The following KCNAB1 variants were observed in gnomAD, a reference collection of about 807,000 sequenced individuals.
KCNAB1 encodes the protein voltage-gated potassium channel subunit beta-1.
KCNAB1 carries 35 observed loss-of-function variants against 64.6 expected under a neutral mutation model. That is an observed-to-expected ratio of 0.54 (90% CI 0.41 to 0.72). The LOEUF (loss-of-function observed/expected upper bound fraction) is 0.72, where lower values mean the gene tolerates loss of function less well. Among genes scored for constraint, KCNAB1 ranks in the 30% least tolerant of loss-of-function variants. The pLI is 0.00. For missense variants in KCNAB1, 401 were observed against 512.9 expected (o/e 0.78, Z 2.11); for synonymous variants, 177 against 183.8 (o/e 0.96, Z 0.30).
chr3:156,421,476 G>A (rs1715460122), intron 1 of KCNAB1, 140 bp from the exon 2 acceptor site: 2 of 772,036 alleles, frequency 2.6e-6, no homozygotes, highest in South Asian at 3.8e-5. Flanking sequence ...CCTGTCTCAA[G>A]ACAATATGCC....
intron 1 of KCNAB1, chr3:156,291,185 G>C (rs368982541): frequency 1.0e-6 from 1 of 985,684 alleles, no homozygotes; most frequent in East Asian, 1.1e-4. Flanking sequence ...GCTCCTTAAA[G>C]GGACCTGCCT....
chr3:156,216,321 A>T (rs1486292483), intron 1 of KCNAB1, among the ~76,000 whole-genome samples: 1 of 152,202 alleles, frequency 6.6e-6, no homozygotes, highest in East Asian at 1.9e-4. Flanking sequence ...AAGGTCTCTG[A>T]TGGTAAGAAC....
chr3:156,499,609 T>G (rs1322951079), intron 8 of KCNAB1, among the ~76,000 whole-genome samples: 1 of 152,306 alleles, frequency 6.6e-6, no homozygotes, highest in East Asian at 1.9e-4. Flanking sequence ...TAAAGATATT[T>G]TGCTTCATTC....
intron 1 of KCNAB1, among the ~76,000 whole-genome samples, chr3:156,136,266 C>A (rs1357452257): frequency 6.6e-6 from 1 of 152,154 alleles, no homozygotes; most frequent in African/African-American, 2.4e-5. Context: ...ACATCAAATA[C>A]AATATTTCTT....
At chr3:156,198,913 A>ATTTT (rs71138701) in intron 1 of KCNAB1, among the ~76,000 whole-genome samples, 217 of 21,290 alleles carry the variant, frequency 0.01, 44 homozygotes, top group African/African-American at 0.02. Flanking sequence ...TTATATTTTG[A>ATTTT]TTTTTTTTTT....
At chr3:156,521,932 A>G (rs1395584407) in intron 11 of KCNAB1, among the ~76,000 whole-genome samples, 2 of 139,798 alleles carry the variant, frequency 1.4e-5, no homozygotes, top group African/African-American at 2.5e-5. Context: ...TTGGGACTCA[A>G]TAAATAATTG....
At chr3:156,448,369 C>T (rs1711740506) in intron 2 of KCNAB1, among the ~76,000 whole-genome samples, 1 of 152,160 alleles carries the variant, frequency 6.6e-6, no homozygotes, top group Non-Finnish European at 1.5e-5. Flanking sequence ...TTTTGAGAAT[C>T]ATATTAACTA....
intron 1 of KCNAB1, chr3:156,273,482 C>T (rs553854260): frequency 3.6e-5 from 15 of 414,656 alleles, no homozygotes; most frequent in African/African-American, 8.1e-5. Context: ...TGTAGCTTTC[C>T]GCTGTGACAG....
At chr3:156,424,344 T>G (rs1037177839) in intron 2 of KCNAB1, among the ~76,000 whole-genome samples, 1 of 152,206 alleles carries the variant, frequency 6.6e-6, no homozygotes, top group African/African-American at 2.4e-5. Context: ...TGAGTTTTTC[T>G]GATTCTTCCT....
chr3:156,302,640 GTT>G (rs369958222), intron 1 of KCNAB1, among the ~76,000 whole-genome samples: 33 of 152,276 alleles, frequency 2.2e-4, no homozygotes, highest in African/African-American at 7.9e-4. Context: ...AAAGTTTAAA[GTT>G]TTATCTTGGC....
At position 156,189,709 on chromosome 3, in the gene KCNAB1, G is replaced by A. The variant is rs1008902669; in HGVS notation, c.275+68823G>A. On this transcript the variant is annotated intron_variant, in intron 1 of 13. Transcript: ENST00000490337. The stretch of plus-strand genomic sequence containing the variant: ...GAAAAGCTTATTCTTTTCAGTAATC[G>A]TCAGTTAAAATTTCACAATGATACA... Among the ~76,000 whole-genome samples, 9 of 150,714 alleles carry A rather than the reference G, an allele frequency of 6.0e-5. No individual in the cohort carries two copies. The East Asian group carries it at 1.3e-3, about 23-fold the overall frequency.
chr3:156,229,370 C>CAAGAG (rs1716383099), intron 1 of KCNAB1, among the ~76,000 whole-genome samples: 1 of 152,104 alleles, frequency 6.6e-6, no homozygotes, highest in African/African-American at 2.4e-5. Flanking sequence ...CACTTATAGT[C>CAAGAG]AAGAGACCAG....
chr3:156,294,046 C>A (rs1034026524), intron 1 of KCNAB1, among the ~76,000 whole-genome samples: 2 of 152,150 alleles, frequency 1.3e-5, no homozygotes, highest in Non-Finnish European at 2.9e-5. Flanking sequence ...TTTCTTGAGG[C>A]AGAGTTTCAT....
intron 1 of KCNAB1, among the ~76,000 whole-genome samples, chr3:156,294,738 A>G (rs963984745): frequency 1.3e-5 from 2 of 152,174 alleles, no homozygotes; most frequent in Admixed American, 1.3e-4. Flanking sequence ...TGTGGTCACA[A>G]TTTCATCCTT....
At chr3:156,530,897 A>C (rs1430808794) in intron 12 of KCNAB1, among the ~76,000 whole-genome samples, 1 of 152,172 alleles carries the variant, frequency 6.6e-6, no homozygotes, top group Admixed American at 6.5e-5. Flanking sequence ...GAATCCAGCC[A>C]TCTGCTGGTG....
chr3:156,434,842 C>G (rs1716478857), intron 2 of KCNAB1, among the ~76,000 whole-genome samples: 2 of 152,096 alleles, frequency 1.3e-5, no homozygotes, highest in Admixed American at 1.3e-4. Context: ...GAAAAATAAG[C>G]ATTGAATAGA....
intron 1 of KCNAB1, chr3:156,291,008 G>A: frequency 1.0e-6 from 1 of 985,824 alleles, no homozygotes; most frequent in African/African-American, 1.7e-5. Flanking sequence ...GTGTTCCGCG[G>A]CATAAGCACC....
chr3:156,173,977 C>A (rs567192292), intron 1 of KCNAB1, among the ~76,000 whole-genome samples: 2 of 152,326 alleles, frequency 1.3e-5, no homozygotes, highest in East Asian at 1.9e-4. Context: ...GTGACATATA[C>A]CATTGGCTCT....
chr3:156,283,550 C>T (rs1266339667), intron 1 of KCNAB1, among the ~76,000 whole-genome samples: 2 of 151,420 alleles, frequency 1.3e-5, no homozygotes, highest in Non-Finnish European at 2.9e-5. Context: ...GGATAATATC[C>T]TGCAGAGTGT....
Sources: allele counts gnomAD v4.1 joint callset (sites outside exome capture counted in the v4.1 genomes callset), GRCh38; gene constraint gnomAD v4.1.1; transcripts MANE v1.5; gene names NCBI Gene and HGNC (gene_info 2026-07-23, HGNC 2026-07-21).